SEMA3E: variants seen among roughly 807,000 people sequenced by gnomAD.
The protein encoded by SEMA3E is semaphorin-3E.
In SEMA3E, 49 loss-of-function variants were observed where a neutral mutation model predicts 93.6. That is an observed-to-expected ratio of 0.52 (90% confidence interval 0.42 to 0.66). SEMA3E has a LOEUF of 0.66. SEMA3E is among the 30% of genes least tolerant of loss of function. The pLI is 0.00. For synonymous variants in SEMA3E, 363 were observed against 330.7 expected, an observed-to-expected ratio of 1.10 and a Z score of -1.06; for missense variants, 906 against 964.8, an observed-to-expected ratio of 0.94 and a Z score of 0.81.
At chr7:83,578,595 G>A (rs909653834) in intron 1 of SEMA3E, among the ~76,000 whole-genome samples, 1 of 151,944 alleles carries the variant, frequency 6.6e-6, no homozygotes, top group African/African-American at 2.4e-5. Flanking sequence ...CTATTAAAAG[G>A]CACTGACCAA....
chr7:83,570,814 A>G (rs1584338259), intron 1 of SEMA3E, among the ~76,000 whole-genome samples: 1 of 50,206 alleles, frequency 2.0e-5, no homozygotes, highest in African/African-American at 1.6e-4. Context: ...TATCAAAGAC[A>G]AAAAAAAAAG....
At position 83,418,410 on chromosome 7, in the gene SEMA3E, G is replaced by A. The variant is rs1788600771; in HGVS notation, c.530C>T (p.Ser177Phe). ...ATTACCAATTAAAGTGGAGATGAAG[G>A]AGGAGCTGGGGTCAAAAGGACATCT... Reference protein sequence around the residue: ...RGRCPFDPSSSFISTLIGSEL... With the variant: ...RGRCPFDPSSFFISTLIGSEL... The change falls in exon 5 of 17, where the codon TCC becomes TTC. Residue 177 changes from serine to phenylalanine, a missense_variant. Physicochemically the swap from Ser to Phe is radical, Grantham distance 155. Transcript: ENST00000643230. 1 of 1,611,188 alleles carries A rather than the reference G, an allele frequency of 6.2e-7. No homozygotes were observed.
At chr7:83,443,119 CAA>C (rs1459628352) in intron 4 of SEMA3E, among the ~76,000 whole-genome samples, 1 of 152,102 alleles carries the variant, frequency 6.6e-6, no homozygotes, top group Non-Finnish European at 1.5e-5. Context: ...GCTGACACAG[CAA>C]AGAGACGTCC....
At chr7:83,408,581 T>C (rs1788372714) in intron 5 of SEMA3E, 94 bp from the exon 6 acceptor site, 5 of 1,311,822 alleles carry the variant, frequency 3.8e-6, no homozygotes, top group East Asian at 5.0e-5. Flanking sequence ...CTATAATATG[T>C]ACTTTATGAC....
intron 1 of SEMA3E, among the ~76,000 whole-genome samples, chr7:83,589,995 T>C (rs1167873733): frequency 6.6e-6 from 1 of 152,208 alleles, no homozygotes; most frequent in African/African-American, 2.4e-5. Flanking sequence ...TATCATAGCA[T>C]ACTATCTGAA....
chr7:83,403,301 C>CG (rs750393332), intron 9 of SEMA3E, among the ~76,000 whole-genome samples: 2 of 151,694 alleles, frequency 1.3e-5, no homozygotes, highest in African/African-American at 2.4e-5. Context: ...CATTTTTTAG[C>CG]GGGGGTTCAT....
intron 4 of SEMA3E, among the ~76,000 whole-genome samples, chr7:83,438,458 T>C (rs1789046934): frequency 6.6e-6 from 1 of 152,150 alleles, no homozygotes; most frequent in Non-Finnish European, 1.5e-5. Flanking sequence ...TTCAATCACT[T>C]AATAAAATAC....
intron 1 of SEMA3E, among the ~76,000 whole-genome samples, chr7:83,646,574 A>G (rs1794081903): frequency 2.0e-5 from 3 of 152,208 alleles, no homozygotes; most frequent in African/African-American, 7.2e-5. Flanking sequence ...CATTAAATTC[A>G]AAGTTAAGGG....
chr7:83,648,718 C>T lies in SEMA3E; in HGVS notation c.-176G>A. On this transcript the variant is annotated 5_prime_UTR_variant, in exon 1 of 17. Transcript: ENST00000643230. ...TCAGGCTGTATTTGGCTATGTAAAACCTTTCTTTCCTCGGGACAGTTGTTT... is the reference window on the plus strand; with the variant it reads ...TCAGGCTGTATTTGGCTATGTAAAATCTTTCTTTCCTCGGGACAGTTGTTT... The T allele has an allele frequency of 4.5e-6, 3 of 667,524 alleles. No individual in the cohort carries two copies. In the South Asian group the frequency reaches 4.9e-5, roughly 11 times the overall value. 41.4% of individuals were successfully genotyped at this position (667,524 alleles called of 1,614,324 possible).
chr7:83,634,121 A>G (rs1209800585), intron 1 of SEMA3E, among the ~76,000 whole-genome samples: 2 of 152,160 alleles, frequency 1.3e-5, no homozygotes, highest in African/African-American at 2.4e-5. Flanking sequence ...AAAACAATAT[A>G]TTACTATTAC....
At position 83,543,767 on chromosome 7, in the gene SEMA3E, A is replaced by AAAT. The variant is rs545303267; in HGVS notation, c.116-53496_116-53494dup. Among the ~76,000 whole-genome samples, 24 of 152,152 alleles carry AAAT rather than the reference A, an allele frequency of 1.6e-4. No individual in the cohort carries two copies. The South Asian group carries it at 4.8e-3, about 30-fold the overall frequency. Reference sequence around the variant, plus strand: ...ATATTGCTCGTTCTGCATGCCTATAAAATAATACAATGAACAATGTTGACT... The same window carrying AAAT: ...ATATTGCTCGTTCTGCATGCCTATAAAATAATAATACAATGAACAATGTTGACT... On this transcript the variant is annotated intron_variant, in intron 1 of 16. Coordinates refer to ENST00000643230, the MANE Select transcript of SEMA3E (RefSeq NM_012431.3).
intron 11 of SEMA3E, among the ~76,000 whole-genome samples, chr7:83,397,557 C>G (rs1788150554): frequency 6.6e-6 from 1 of 152,024 alleles, no homozygotes; most frequent in African/African-American, 2.4e-5. Context: ...AGTGTTTGTA[C>G]CAGTCATTTA....
At chr7:83,373,865 G>A (rs745496121) in intron 16 of SEMA3E, among the ~76,000 whole-genome samples, 4 of 152,224 alleles carry the variant, frequency 2.6e-5, no homozygotes, top group Admixed American at 2.0e-4. Context: ...AAACCCAAAT[G>A]TTTAGTAAGA....
At chr7:83,517,522 G>A (rs1790955506) in intron 1 of SEMA3E, among the ~76,000 whole-genome samples, 1 of 152,162 alleles carries the variant, frequency 6.6e-6, no homozygotes, top group African/African-American at 2.4e-5. Context: ...AATTTGCAAT[G>A]CATTAGCTAC....
intron 1 of SEMA3E, among the ~76,000 whole-genome samples, chr7:83,633,866 C>A (rs1395528120): frequency 2.0e-5 from 3 of 152,166 alleles, no homozygotes; most frequent in Admixed American, 2.0e-4. Context: ...TGAAAAGCAG[C>A]AGTGCTGTCA....
chr7:83,594,837 TA>T (rs1792833312), intron 1 of SEMA3E, among the ~76,000 whole-genome samples: 1 of 151,854 alleles, frequency 6.6e-6, no homozygotes, highest in South Asian at 2.1e-4. Context: ...AAACCAAGAC[TA>T]AAATAAATGG....
At chr7:83,432,640 C>T (rs539215230) in intron 4 of SEMA3E, among the ~76,000 whole-genome samples, 1 of 152,122 alleles carries the variant, frequency 6.6e-6, no homozygotes, top group East Asian at 1.9e-4. Flanking sequence ...ACATAGGTAT[C>T]GAAAGTTAGG....
At chr7:83,478,222 C>T (rs1441865336) in intron 2 of SEMA3E, among the ~76,000 whole-genome samples, 3 of 151,908 alleles carry the variant, frequency 2.0e-5, no homozygotes, top group Non-Finnish European at 2.9e-5. Flanking sequence ...CGTGCCGGGC[C>T]CAATTTTAGC....
chr7:83,523,686 G>A (rs937453803), intron 1 of SEMA3E, among the ~76,000 whole-genome samples: 7 of 151,680 alleles, frequency 4.6e-5, no homozygotes, highest in South Asian at 2.1e-4. Context: ...ATCTTCCTCC[G>A]CTTTATGAGA....
Sources: gnomAD v4.1 joint callset for allele counts (sites outside exome capture counted in the v4.1 genomes callset) on GRCh38, gnomAD v4.1.1 for gene constraint, MANE v1.5 for transcripts, NCBI Gene and HGNC (gene_info 2026-07-23, HGNC 2026-07-21) for gene names.